The following DLGAP2 variants were observed in gnomAD, a reference collection of about 807,000 sequenced individuals.
DLGAP2 encodes the protein disks large-associated protein 2.
A neutral mutation model predicts 100.3 loss-of-function variants in DLGAP2; 26 were observed. The observed-to-expected ratio is 0.26, with a 90% CI of 0.19 to 0.36. The LOEUF is 0.36. Among genes scored for constraint, DLGAP2 ranks in the 10% least tolerant of loss-of-function variants. DLGAP2 has a pLI of 1.00. For synonymous variants in DLGAP2, 886 were observed against 630.1 expected (o/e 1.41, Z -6.08); for missense variants, 1,858 against 1,453.2 (o/e 1.28, Z -4.53).
chr8:946,277 T>G (rs2129006413), intron 2 of DLGAP2, among the ~76,000 whole-genome samples: 1 of 151,850 alleles, frequency 6.6e-6, no homozygotes, highest in East Asian at 1.9e-4. Flanking sequence ...AGGTTTTTTT[T>G]TTTTTTTTGA....
chr8:1,355,663 A>G (rs1475371277), intron 3 of DLGAP2, among the ~76,000 whole-genome samples: 1 of 152,036 alleles, frequency 6.6e-6, no homozygotes, highest in Non-Finnish European at 1.5e-5. Context: ...GCACCTGGCC[A>G]AGTACGAGTA....
At chr8:1,185,710 CACA>C (rs1378542736) in intron 2 of DLGAP2, among the ~76,000 whole-genome samples, 1 of 76,256 alleles carries the variant, frequency 1.3e-5, no homozygotes, top group African/African-American at 8.0e-5. Flanking sequence ...CACTCACACT[CACA>C]CACACACACA....
At chr8:1,334,067 G>A (rs1801217658) in intron 3 of DLGAP2, among the ~76,000 whole-genome samples, 1 of 152,246 alleles carries the variant, frequency 6.6e-6, no homozygotes, top group Non-Finnish European at 1.5e-5. Flanking sequence ...AGAGACCCCT[G>A]TGCCCCTGAG....
chr8:1,533,183 C>A (rs115878221), intron 4 of DLGAP2, among the ~76,000 whole-genome samples: 10 of 151,846 alleles, frequency 6.6e-5, no homozygotes, highest in African/African-American at 2.4e-4. Context: ...TTGATGTTGC[C>A]TATTTATCAT....
intron 2 of DLGAP2, among the ~76,000 whole-genome samples, chr8:1,228,569 A>T (rs1798470502): frequency 6.6e-6 from 1 of 152,198 alleles, no homozygotes; most frequent in African/African-American, 2.4e-5. Flanking sequence ...TAACTAGCAA[A>T]TTGAATCCAG....
At chr8:1,627,392 C>T (rs917541461) in intron 7 of DLGAP2, among the ~76,000 whole-genome samples, 7 of 152,142 alleles carry the variant, frequency 4.6e-5, no homozygotes, top group Non-Finnish European at 1.0e-4. Context: ...GGTCCCTGGG[C>T]ACCACGGGAG....
intron 2 of DLGAP2, among the ~76,000 whole-genome samples, chr8:1,096,906 C>T (rs534936889): frequency 6.9e-6 from 1 of 144,522 alleles, no homozygotes; most frequent in African/African-American, 2.6e-5. Context: ...AGACCCACCT[C>T]CCTGCGCTCA....
intron 3 of DLGAP2, among the ~76,000 whole-genome samples, chr8:1,476,650 G>C (rs531101109): frequency 6.6e-6 from 1 of 152,224 alleles, no homozygotes; most frequent in Admixed American, 6.5e-5. Context: ...ACCCACCCGT[G>C]ATGGCTGACT....
intron 1 of DLGAP2, among the ~76,000 whole-genome samples, chr8:744,149 T>C (rs552340495): frequency 9.8e-5 from 15 of 152,334 alleles, no homozygotes; most frequent in African/African-American, 3.4e-4. Flanking sequence ...TTCCCTCTTC[T>C]GTCTCTCATC....
At chr8:944,672 C>T (rs1211920047) in intron 2 of DLGAP2, among the ~76,000 whole-genome samples, 5 of 151,860 alleles carry the variant, frequency 3.3e-5, no homozygotes, top group Non-Finnish European at 7.4e-5. Context: ...TGGTAATGAT[C>T]CCTGCGGGTG....
At chr8:998,380 C>T (rs111979196) in intron 2 of DLGAP2, among the ~76,000 whole-genome samples, 2,982 of 152,158 alleles carry the variant, frequency 0.02, 79 homozygotes, top group African/African-American at 0.069. Context: ...AGCTCACTGC[C>T]GCCTTGAACT....
chr8:1,421,742 G>A (rs1436498186), intron 3 of DLGAP2, among the ~76,000 whole-genome samples: 6 of 152,054 alleles, frequency 3.9e-5, no homozygotes, highest in Admixed American at 3.9e-4. Flanking sequence ...GAGGTGGGTG[G>A]ATCACGAGGT....
At chr8:1,657,837 C>T (rs1310910169) in intron 8 of DLGAP2, among the ~76,000 whole-genome samples, 1 of 152,090 alleles carries the variant, frequency 6.6e-6, no homozygotes, top group African/African-American at 2.4e-5. Context: ...AGTGAAACAG[C>T]TTCGTTGTCT....
chr8:1,454,984 G>C (rs559112993), intron 3 of DLGAP2, among the ~76,000 whole-genome samples: 113 of 152,252 alleles, frequency 7.4e-4, no homozygotes, highest in African/African-American at 2.6e-3. Context: ...TTCACCCATG[G>C]TAAGGCACAG....
chr8:1,136,923 G>T (rs1459307856), intron 2 of DLGAP2, among the ~76,000 whole-genome samples: 1 of 152,222 alleles, frequency 6.6e-6, no homozygotes, highest in Non-Finnish European at 1.5e-5. Context: ...GAGGTATTCT[G>T]TTTGTGCTGC....
chr8:813,844 A>T (rs1796415380), intron 1 of DLGAP2, among the ~76,000 whole-genome samples: 1 of 152,164 alleles, frequency 6.6e-6, no homozygotes, highest in African/African-American at 2.4e-5. Context: ...TGCAACAGCT[A>T]CCTGCCTCTC....
At chr8:922,841 A>C (rs1250140960) in intron 2 of DLGAP2, among the ~76,000 whole-genome samples, 1 of 152,158 alleles carries the variant, frequency 6.6e-6, no homozygotes, top group Non-Finnish European at 1.5e-5. Flanking sequence ...CTCAGGTGTG[A>C]GTTGGGGTTA....
intron 2 of DLGAP2, among the ~76,000 whole-genome samples, chr8:1,126,811 C>A (rs554029830): frequency 1.3e-5 from 2 of 151,990 alleles, no homozygotes; most frequent in African/African-American, 2.4e-5. Context: ...GAGACTCCCA[C>A]GGGCTCTGGA....
chr8:1,318,416 C>G (rs555194091), intron 3 of DLGAP2, among the ~76,000 whole-genome samples: 2 of 151,146 alleles, frequency 1.3e-5, no homozygotes, highest in African/African-American at 4.9e-5. Context: ...TCTAGTTCAC[C>G]CAGATTGTTA....
Sources: gnomAD v4.1 joint callset for allele counts (sites outside exome capture counted in the v4.1 genomes callset) on GRCh38, gnomAD v4.1.1 for gene constraint, MANE v1.5 for transcripts, NCBI Gene and HGNC (gene_info 2026-07-23, HGNC 2026-07-21) for gene names.